Variants in CALU observed in about 807,000 individuals in gnomAD.
CALU encodes the protein calumenin.
Under a neutral mutation model 37.5 loss-of-function variants are expected in CALU, and 13 were observed. The observed-to-expected ratio is 0.35, with a 90% CI of 0.23 to 0.55. The LOEUF is 0.55. Ranked by LOEUF, CALU falls within the 20% of genes least tolerant of loss-of-function variation. The pLI is 0.89. For synonymous variants in CALU, 114 were observed against 133.8 expected (o/e 0.85, Z 1.02); for missense variants, 282 against 391.7 (o/e 0.72, Z 2.36).
rs762538757 is a variant in CALU, at chr7:128,754,472, T to A, written c.415+17T>A. 3.2e-5 allele frequency: 52 copies of A among 1,609,230 alleles called. No homozygotes were observed. Among genetic ancestry groups the A allele is most frequent in the Middle Eastern group, 1.7e-4 (1 of 6,048 alleles). On this transcript the variant is annotated intron_variant, in intron 3 of 6. Coordinates refer to ENST00000249364, the MANE Select transcript of CALU (RefSeq NM_001219.5). ...ACGTTTTAGGTAGGTCCCTACTGTC[T>A]GGGGGAAAAAGCCTTGTGGAGCTGG...
At chr7:128,768,468 A>G (rs1801415404) in intron 6 of CALU, among the ~76,000 whole-genome samples, 1 of 152,148 alleles carries the variant, frequency 6.6e-6, no homozygotes, top group Non-Finnish European at 1.5e-5. Context: ...TCCTCATGAA[A>G]CAAACCTTTA....
chr7:128,766,881 A>T (rs1801356188), intron 5 of CALU, among the ~76,000 whole-genome samples: 1 of 151,890 alleles, frequency 6.6e-6, no homozygotes, highest in Non-Finnish European at 1.5e-5. Context: ...GAAAGGGGGG[A>T]GATGGGAAAA....
At chr7:128,762,829 G>T (rs1801175340) in intron 5 of CALU, among the ~76,000 whole-genome samples, 1 of 152,040 alleles carries the variant, frequency 6.6e-6, no homozygotes, top group African/African-American at 2.4e-5. Context: ...ACCACACCTG[G>T]CTAATTTTTG....
At chr7:128,750,994 T>C (rs1443028674) in intron 2 of CALU, among the ~76,000 whole-genome samples, 1 of 152,152 alleles carries the variant, frequency 6.6e-6, no homozygotes, top group East Asian at 1.9e-4. Flanking sequence ...TTCTTAATAT[T>C]AAAAAAGTTC....
At chr7:128,743,820 A>G (rs761275789) in intron 1 of CALU, among the ~76,000 whole-genome samples, 52 of 152,208 alleles carry the variant, frequency 3.4e-4, no homozygotes, top group African/African-American at 1.2e-3. Context: ...AAACTTTTAT[A>G]AAGTGTTGAA....
In CALU at chr7:128,757,367, G is replaced by T. The variant is rs564261642; in HGVS notation, c.416-1504G>T. Reference sequence around the variant, plus strand: ...ACCTATTATGGCTTTGAGTGTGTGTGTGTGTGTGTGTGTGTGTGTGTGTGT... The same window carrying T: ...ACCTATTATGGCTTTGAGTGTGTGTTTGTGTGTGTGTGTGTGTGTGTGTGT... On this transcript the variant is annotated intron_variant, in intron 3 of 6. Coordinates refer to ENST00000249364, the MANE Select transcript of CALU (RefSeq NM_001219.5). Among the ~76,000 whole-genome samples, 18 of 151,754 alleles carry T rather than the reference G, an allele frequency of 1.2e-4. 1 individual carries two copies. In the East Asian group the frequency reaches 3.3e-3, roughly 28 times the overall value.
intron 6 of CALU, 74 bp downstream of exon 6, chr7:128,767,729 G>C: frequency 8.0e-7 from 1 of 1,248,684 alleles, no homozygotes; most frequent in Non-Finnish European, 1.2e-6. Flanking sequence ...AACAGTTTCT[G>C]TTAAGGTGCA....
chr7:128,743,547 G>C (rs971933585), intron 1 of CALU, among the ~76,000 whole-genome samples: 1 of 151,216 alleles, frequency 6.6e-6, no homozygotes, highest in South Asian at 2.1e-4. Flanking sequence ...TTTGAGACAG[G>C]GTCTTGTTCC....
chr7:128,762,679 T>C (rs1034869477), intron 5 of CALU, among the ~76,000 whole-genome samples: 2 of 151,722 alleles, frequency 1.3e-5, no homozygotes, highest in Non-Finnish European at 2.9e-5. Context: ...TTTATTTATG[T>C]TTTTTTTGAG....
At chr7:128,746,350 G>A (rs532010564) in intron 1 of CALU, among the ~76,000 whole-genome samples, 2 of 151,966 alleles carry the variant, frequency 1.3e-5, no homozygotes. Context: ...TAGAGACAGG[G>A]TTTCACCGTA....
intron 1 of CALU, among the ~76,000 whole-genome samples, chr7:128,740,383 AGTT>A (rs1800188222): frequency 6.6e-6 from 1 of 152,206 alleles, no homozygotes; most frequent in Non-Finnish European, 1.5e-5. Flanking sequence ...GGTGGCTTCT[AGTT>A]GTTTTTTGTT....
intron 2 of CALU, among the ~76,000 whole-genome samples, chr7:128,752,249 TTC>T (rs1330066320): frequency 3.9e-5 from 6 of 152,232 alleles, no homozygotes; most frequent in Non-Finnish European, 8.8e-5. Flanking sequence ...TAAACTATAT[TTC>T]TGTTTAAGTA....
chr7:128,761,711 C>T lies in CALU; in HGVS notation c.643+1859C>T, dbSNP rs140107246. On this transcript the variant is annotated intron_variant, in intron 5 of 6. Transcript: ENST00000249364. ...TTTTAATATTTCACATACTTATTGT[C>T]ATTTGTAATAACTTATTCTAGCACA... The T allele has an allele frequency of 1.8e-3, 270 of 152,298 alleles. 4 individuals are homozygous for T. The highest frequency in any genetic ancestry group is 6.2e-3 in the African/African-American group (257 of 41,572). 9.4% of individuals were successfully genotyped at this position (152,298 alleles called of 1,614,324 possible).
chr7:128,747,674 G>A (rs1462073649), intron 1 of CALU: 1 of 151,848 alleles, frequency 6.6e-6, no homozygotes, highest in African/African-American at 2.4e-5. Context: ...TAACCACTCT[G>A]GATAGTATCA....
intron 1 of CALU, among the ~76,000 whole-genome samples, chr7:128,744,323 T>C (rs542662102): frequency 6.6e-6 from 1 of 152,244 alleles, no homozygotes; most frequent in African/African-American, 2.4e-5. Context: ...ATGTCCTTTG[T>C]TTCTGCTTGA....
chr7:128,756,080 C>T (rs1339971843), intron 3 of CALU, among the ~76,000 whole-genome samples: 1 of 152,194 alleles, frequency 6.6e-6, no homozygotes, highest in Non-Finnish European at 1.5e-5. Flanking sequence ...ATCCTTCACC[C>T]AATTAAGAAC....
At chr7:128,739,627 G>A (rs553414043) in intron 1 of CALU, among the ~76,000 whole-genome samples, 195 bp downstream of exon 1, 6 of 152,172 alleles carry the variant, frequency 3.9e-5, no homozygotes, top group African/African-American at 1.4e-4. Flanking sequence ...GGAGGCCGCC[G>A]CCCGTCTTAC....
chr7:128,760,025 G>A (rs1271598398), intron 5 of CALU, among the ~76,000 whole-genome samples, 173 bp downstream of exon 5: 4 of 152,128 alleles, frequency 2.6e-5, no homozygotes, highest in Admixed American at 1.3e-4. Context: ...GGGAAACCCC[G>A]TCTCTACTAA....
intron 3 of CALU, 125 bp downstream of exon 3, chr7:128,754,580 G>A (rs993921435): frequency 6.4e-7 from 1 of 1,552,220 alleles, no homozygotes; most frequent in Admixed American, 2.0e-5. Context: ...TGACGGAGGG[G>A]GAGCTGAAAT....
Sources: gnomAD v4.1 joint callset for allele counts (sites outside exome capture counted in the v4.1 genomes callset) on GRCh38, gnomAD v4.1.1 for gene constraint, MANE v1.5 for transcripts, NCBI Gene and HGNC (gene_info 2026-07-23, HGNC 2026-07-21) for gene names.